The following XKR9 variants were observed in gnomAD, a reference collection of about 807,000 sequenced individuals.
XKR9 encodes the protein XK related 9.
A neutral mutation model predicts 32.0 loss-of-function variants in XKR9; 32 were observed. The observed-to-expected ratio is 1.00, with a 90% CI of 0.76 to 1.34. The LOEUF is 1.34. XKR9 is among the 40% of genes most tolerant of loss of function. XKR9 has a pLI of 0.00. For missense variants in XKR9, 546 were observed against 429.7 expected, an observed-to-expected ratio of 1.27 and a Z score of -2.39; for synonymous variants, 168 against 143.4, an observed-to-expected ratio of 1.17 and a Z score of -1.22.
chr8:71,045,459 G>C, the XKR9 span, among the ~76,000 whole-genome samples: 1 of 152,194 alleles, frequency 6.6e-6, no homozygotes, highest in African/African-American at 2.4e-5. Context: ...TTTTCTTGGG[G>C]ATTGTGCCAG....
chr8:70,836,586 TA>T, the XKR9 span, among the ~76,000 whole-genome samples: 1 of 152,180 alleles, frequency 6.6e-6, no homozygotes, highest in African/African-American at 2.4e-5. Flanking sequence ...AAAAATGATT[TA>T]AAAAATCCAT....
the XKR9 span, among the ~76,000 whole-genome samples, chr8:71,057,830 A>G: frequency 6.6e-6 from 1 of 152,194 alleles, no homozygotes; most frequent in African/African-American, 2.4e-5. Flanking sequence ...AGAGGAAAGA[A>G]TGATCTGGTC....
chr8:70,753,296 C>T (rs1355328460), intron 2 of XKR9, among the ~76,000 whole-genome samples: 1 of 151,768 alleles, frequency 6.6e-6, no homozygotes, highest in Non-Finnish European at 1.5e-5. Flanking sequence ...CAAAAAGAGT[C>T]CAGGACCAGA....
chr8:70,822,677 A>C, the XKR9 span, among the ~76,000 whole-genome samples: 10 of 151,842 alleles, frequency 6.6e-5, no homozygotes, highest in East Asian at 1.5e-3. Flanking sequence ...GTGAAAGTTC[A>C]TTCTGTGTGA....
intron 2 of XKR9, among the ~76,000 whole-genome samples, chr8:70,781,751 C>A (rs1807620181): frequency 6.6e-6 from 1 of 151,938 alleles, no homozygotes; most frequent in African/African-American, 2.4e-5. Flanking sequence ...TGAGAGTTGT[C>A]TATTCAGCTC....
chr8:70,703,549 A>C (rs1258749774), intron 3 of XKR9, among the ~76,000 whole-genome samples: 1 of 152,086 alleles, frequency 6.6e-6, no homozygotes, highest in Non-Finnish European at 1.5e-5. Flanking sequence ...TATCATCTTC[A>C]AAAGGCTCTC....
At chr8:70,951,352 A>G in the XKR9 span, among the ~76,000 whole-genome samples, 1 of 152,250 alleles carries the variant, frequency 6.6e-6, no homozygotes. Context: ...CAGCTGTGGC[A>G]GCTGCCAAGG....
chr8:70,729,049 C>T (rs1356812973), intron 4 of XKR9, among the ~76,000 whole-genome samples: 1 of 152,114 alleles, frequency 6.6e-6, no homozygotes, highest in Non-Finnish European at 1.5e-5. Flanking sequence ...GAGTATGAGG[C>T]CAGATTTCCC....
At chr8:70,844,703 A>G in the XKR9 span, among the ~76,000 whole-genome samples, 1 of 152,182 alleles carries the variant, frequency 6.6e-6, no homozygotes, top group Non-Finnish European at 1.5e-5. Flanking sequence ...TACTTCTCCC[A>G]GTGGACTGAG....
chr8:70,934,178 C>A, the XKR9 span, among the ~76,000 whole-genome samples: 18 of 152,084 alleles, frequency 1.2e-4, no homozygotes, highest in Middle Eastern at 3.4e-3. Context: ...CCTGGTTGAG[C>A]ATTGGTCAGC....
At chr8:70,991,588 G>T in the XKR9 span, among the ~76,000 whole-genome samples, 1 of 152,060 alleles carries the variant, frequency 6.6e-6, no homozygotes, top group Admixed American at 6.5e-5. Flanking sequence ...TCTTAACAGC[G>T]TGACTCAGGC....
exon 3 of XKR9, chr8:70,789,372 G>A (rs1450431581): frequency 6.6e-6 from 1 of 152,012 alleles, no homozygotes; most frequent in African/African-American, 2.4e-5. Context: ...AAATATGCAA[G>A]GCTGGATTCA....
Position 70,734,003 on chromosome 8 carries a change from T to C in XKR9, c.701T>C (p.Leu234Pro), listed in dbSNP as rs773136078. ...LFLNVKIALF[L>P]LLFLWLLGII... is the part of the protein sequence containing the mutation. ...TTAAATGTTAAGATTGCTTTATTTC[T>C]GTTGTTATTTCTTTGGTTGTTAGGT... The change falls in exon 5 of 5, where the codon CTG becomes CCG. Residue 234 changes from leucine (L) to proline (P), a missense_variant. Physicochemically the swap from Leu to Pro is moderately conservative, Grantham distance 98 (BLOSUM62 -3). Coordinates refer to ENST00000408926, the MANE Select transcript of XKR9 (RefSeq NM_001011720.2). 13 of 1,612,704 alleles carry C rather than the reference T, an allele frequency of 8.1e-6. No individual in the cohort carries two copies. Among genetic ancestry groups the C allele is most frequent in the Non-Finnish European group, 1.0e-5 (12 of 1,179,624 alleles).
At chr8:70,794,799 G>A (rs1807807703), downstream of XKR9, among the ~76,000 whole-genome samples, 1 of 146,090 alleles carries the variant, frequency 6.8e-6, no homozygotes, top group Non-Finnish European at 1.5e-5. Flanking sequence ...ATATTCGTAC[G>A]ATATAATTGC....
chr8:71,013,630 G>A, the XKR9 span, among the ~76,000 whole-genome samples: 40 of 152,278 alleles, frequency 2.6e-4, no homozygotes, highest in Admixed American at 9.1e-4. Context: ...AATGTTGATC[G>A]CCACAGCTGC....
chr8:70,856,472 G>A, the XKR9 span, among the ~76,000 whole-genome samples: 1 of 151,904 alleles, frequency 6.6e-6, no homozygotes, highest in African/African-American at 2.4e-5. Context: ...GATTCATAAA[G>A]CAAGTCCTTA....
chr8:70,717,220 C>T (rs1230358455), intron 4 of XKR9, among the ~76,000 whole-genome samples: 1 of 152,094 alleles, frequency 6.6e-6, no homozygotes, highest in East Asian at 1.9e-4. Flanking sequence ...AGATGCCATT[C>T]TGAGGTCTGG....
At chr8:70,983,464 C>T in the XKR9 span, among the ~76,000 whole-genome samples, 1 of 152,204 alleles carries the variant, frequency 6.6e-6, no homozygotes, top group African/African-American at 2.4e-5. Flanking sequence ...CCAGCATCAG[C>T]ACATAGTGTT....
chr8:70,843,284 A>T, the XKR9 span, among the ~76,000 whole-genome samples: 9 of 152,236 alleles, frequency 5.9e-5, no homozygotes, highest in Non-Finnish European at 1.2e-4. Flanking sequence ...GAGTTGATTA[A>T]TGTAAAGGTC....
Sources: gnomAD v4.1 joint callset for allele counts (sites outside exome capture counted in the v4.1 genomes callset) on GRCh38, gnomAD v4.1.1 for gene constraint, MANE v1.5 for transcripts, NCBI Gene and HGNC (gene_info 2026-07-23, HGNC 2026-07-21) for gene names.